The following INPP4B variants were observed in gnomAD, a reference collection of about 807,000 sequenced individuals.
INPP4B encodes the protein inositol polyphosphate-4-phosphatase type II B, also known as inositol polyphosphate 4-phosphatase type II.
INPP4B carries 55 observed loss-of-function variants against 122.5 expected under a neutral mutation model. The observed-to-expected ratio is 0.45, with a 90% CI of 0.36 to 0.56. INPP4B has a LOEUF of 0.56. INPP4B is among the 20% of genes least tolerant of loss of function. INPP4B has a pLI of 0.00. For synonymous variants in INPP4B, 403 were observed against 388.7 expected (o/e 1.04, Z -0.43); for missense variants, 1,000 against 1,097.7 (o/e 0.91, Z 1.26).
chr4:142,238,124 A>G, intron 11 of INPP4B, 113 bp from the exon 12 acceptor site: 1 of 511,522 alleles, frequency 2.0e-6, no homozygotes, highest in Non-Finnish European at 3.4e-6. Context: ...ATTTGATCCA[A>G]AATGTCTTTT....
At chr4:142,129,746 T>C (rs894285928) in intron 18 of INPP4B, among the ~76,000 whole-genome samples, 6 of 152,242 alleles carry the variant, frequency 3.9e-5, no homozygotes, top group African/African-American at 1.4e-4. Context: ...GTCTTTATAA[T>C]CTACTGCCTG....
intron 25 of INPP4B, among the ~76,000 whole-genome samples, chr4:142,045,349 C>T (rs954211710): frequency 6.6e-6 from 1 of 152,066 alleles, no homozygotes; most frequent in South Asian, 2.1e-4. Flanking sequence ...TTTGTACTGG[C>T]CTTTTAATTT....
intron 1 of INPP4B, among the ~76,000 whole-genome samples, chr4:142,804,056 C>CATAAATAAATAAATAA (rs369611706): frequency 1.4e-5 from 2 of 141,650 alleles, no homozygotes; most frequent in African/African-American, 2.7e-5. Context: ...GAGACTCCAT[C>CATAAATAAATAAATAA]ATAAATAAAT....
At chr4:142,730,648 G>A (rs1417551816) in intron 1 of INPP4B, among the ~76,000 whole-genome samples, 1 of 152,166 alleles carries the variant, frequency 6.6e-6, no homozygotes, top group African/African-American at 2.4e-5. Context: ...ACCTTGTGCA[G>A]CAATTATAGT....
chr4:142,531,014 T>C (rs1174432997), intron 2 of INPP4B, among the ~76,000 whole-genome samples: 1 of 151,942 alleles, frequency 6.6e-6, no homozygotes, highest in Non-Finnish European at 1.5e-5. Context: ...CTGACTGCTG[T>C]GGGAAGAATA....
intron 1 of INPP4B, among the ~76,000 whole-genome samples, chr4:142,845,383 TC>T (rs1174431690): frequency 6.6e-6 from 1 of 152,002 alleles, no homozygotes; most frequent in Non-Finnish European, 1.5e-5. Context: ...TCCCAGACAT[TC>T]CCCGGCCCTG....
intron 14 of INPP4B, among the ~76,000 whole-genome samples, chr4:142,207,853 C>T (rs2149514787): frequency 6.6e-6 from 1 of 152,162 alleles, no homozygotes; most frequent in East Asian, 1.9e-4. Context: ...AAATATGACA[C>T]CATATTGGTC....
chr4:142,206,129 A>G (rs1342122928), intron 14 of INPP4B, among the ~76,000 whole-genome samples: 8 of 152,182 alleles, frequency 5.3e-5, no homozygotes, highest in African/African-American at 1.9e-4. Context: ...ATGAATTTAC[A>G]AGGCAAAAGA....
chr4:142,652,477 A>C (rs1221542100), intron 2 of INPP4B, among the ~76,000 whole-genome samples: 2 of 152,000 alleles, frequency 1.3e-5, no homozygotes, highest in Non-Finnish European at 2.9e-5. Flanking sequence ...AACCCCATCA[A>C]CTCAGCCCAA....
At chr4:142,034,907 C>A (rs1329800357) in intron 25 of INPP4B, among the ~76,000 whole-genome samples, 4 of 152,054 alleles carry the variant, frequency 2.6e-5, no homozygotes, top group Admixed American at 2.6e-4. Flanking sequence ...CTGGCTGGGG[C>A]ACCCTCATCC....
At chr4:142,397,721 C>T (rs1186343926) in intron 7 of INPP4B, among the ~76,000 whole-genome samples, 1 of 151,920 alleles carries the variant, frequency 6.6e-6, no homozygotes, top group Non-Finnish European at 1.5e-5. Flanking sequence ...CGCCTGTAGT[C>T]CCAGTTACTC....
At chr4:142,609,521 T>C (rs1489240770) in intron 2 of INPP4B, among the ~76,000 whole-genome samples, 2 of 152,194 alleles carry the variant, frequency 1.3e-5, no homozygotes, top group Non-Finnish European at 2.9e-5. Flanking sequence ...CATTGGTGGA[T>C]ATCATATCAA....
At chr4:142,036,368 A>T (rs1743972645) in intron 25 of INPP4B, among the ~76,000 whole-genome samples, 1 of 152,168 alleles carries the variant, frequency 6.6e-6, no homozygotes, top group Admixed American at 6.5e-5. Flanking sequence ...TATAAATATT[A>T]TATGCTGATT....
intron 23 of INPP4B, among the ~76,000 whole-genome samples, chr4:142,105,364 G>A (rs1786493563): frequency 6.6e-6 from 1 of 152,190 alleles, no homozygotes; most frequent in Non-Finnish European, 1.5e-5. Context: ...AAAGGTTGAT[G>A]AGTGCTTCAT....
chr4:142,323,037 T>C (rs961427709), intron 7 of INPP4B, among the ~76,000 whole-genome samples: 1 of 152,210 alleles, frequency 6.6e-6, no homozygotes, highest in Non-Finnish European at 1.5e-5. Flanking sequence ...TTAAAACACA[T>C]TGTGCCATGT....
At chr4:142,696,040 C>A (rs1351249747) in intron 2 of INPP4B, among the ~76,000 whole-genome samples, 2 of 152,014 alleles carry the variant, frequency 1.3e-5, no homozygotes, top group Non-Finnish European at 2.9e-5. Context: ...TAGACAGGTG[C>A]CCCTGGATTG....
chr4:142,087,755 A>C (rs190619750), intron 23 of INPP4B, among the ~76,000 whole-genome samples: 22 of 152,350 alleles, frequency 1.4e-4, no homozygotes, highest in African/African-American at 4.1e-4. Context: ...TAGCAAAATA[A>C]TATATCTGAA....
chr4:142,519,718 T>A (rs556750303), intron 2 of INPP4B, among the ~76,000 whole-genome samples: 7 of 152,252 alleles, frequency 4.6e-5, no homozygotes, highest in Non-Finnish European at 7.4e-5. Flanking sequence ...AAGCACATAA[T>A]CTATTATTCA....
intron 2 of INPP4B, among the ~76,000 whole-genome samples, chr4:142,725,164 C>T (rs1046717114): frequency 1.3e-5 from 2 of 152,090 alleles, no homozygotes; most frequent in East Asian, 1.9e-4. Context: ...TGTGTACATG[C>T]GTATGTCATT....
Sources: allele counts gnomAD v4.1 joint callset (sites outside exome capture counted in the v4.1 genomes callset), GRCh38; gene constraint gnomAD v4.1.1; transcripts MANE v1.5; gene names NCBI Gene and HGNC (gene_info 2026-07-23, HGNC 2026-07-21).